SNRPE: variants seen among roughly 807,000 people sequenced by gnomAD.
SNRPE encodes small nuclear ribonucleoprotein polypeptide E, also known as small nuclear ribonucleoprotein E.
For missense variants in SNRPE, 53 were observed against 111.6 expected, an observed-to-expected ratio of 0.48 and a Z score of 2.36; for synonymous variants, 35 against 36.7, an observed-to-expected ratio of 0.95 and a Z score of 0.17.
At position 203,861,907 on chromosome 1, in the gene SNRPE, G is replaced by T. The variant is rs1381565588; in HGVS notation, c.54+194G>T. The T allele has an allele frequency of 4.8e-6, 3 of 628,058 alleles. No individual in the cohort carries two copies. In the Admixed American group the frequency reaches 8.1e-5, roughly 17 times the overall value. The allele number at this position is 628,058 out of a possible 1,614,324, so 38.9% of individuals were successfully genotyped here. ...AGGTGGTCTTGGGGGGACCCCTGCCGTGGGGAATGCAGGAATGGACGCGGC... is the reference window on the plus strand; with the variant it reads ...AGGTGGTCTTGGGGGGACCCCTGCCTTGGGGAATGCAGGAATGGACGCGGC... On this transcript the variant is annotated intron_variant, in intron 1 of 4. Coordinates refer to ENST00000414487, the MANE Select transcript of SNRPE (RefSeq NM_003094.4).
rs386464740 is a variant in SNRPE, at chr1:203,871,082, A to G, written c.*1150A>G. Among the ~76,000 whole-genome samples, 195 of 152,362 alleles carry G rather than the reference A, an allele frequency of 1.3e-3. 1 individual carries two copies. In the Middle Eastern group the frequency reaches 0.017, roughly 13 times the overall value. On this transcript the variant is annotated 3_prime_UTR_variant, in exon 5 of 5. Coordinates refer to ENST00000414487, the MANE Select transcript of SNRPE (RefSeq NM_003094.4). ...CAGCTTTGAACCATGCATTCCATCT[A>G]TATTCCTCCTGTCTGAACTCATGCT...
chr1:203,862,414 C>A (rs149492344), intron 2 of SNRPE, among the ~76,000 whole-genome samples, 192 bp downstream of exon 2: 1 of 152,240 alleles, frequency 6.6e-6, no homozygotes, highest in African/African-American at 2.4e-5. Flanking sequence ...CATGCCACTT[C>A]CCAACATGCA....
chr1:203,862,090 C>G, intron 1 of SNRPE, 106 bp from the exon 2 acceptor site: 2 of 889,588 alleles, frequency 2.2e-6, no homozygotes, highest in Non-Finnish European at 3.8e-6. Flanking sequence ...AGCACCAGAC[C>G]TCGCGTTTAG....
rs4598553 is a variant in SNRPE at position 203,870,909 on chromosome 1, C to A, written c.*977C>A. ...GCCTGCCTTAAGTTCTGCTAAAGGC[C>A]ATGTTGTTATTAAGGACGGGTGAGG... is the stretch of plus-strand genomic sequence containing the variant. On this transcript the variant is annotated 3_prime_UTR_variant, in exon 5 of 5. Transcript: ENST00000414487. Among the ~76,000 whole-genome samples, 115,291 of 152,198 alleles carry A rather than the reference C, an allele frequency of 0.76. 43,775 individuals carry two copies. Among genetic ancestry groups the A allele is most frequent in the East Asian group, 0.8 (4,136 of 5,182 alleles).
chr1:203,862,315 A>G (rs1038708053), intron 2 of SNRPE, 93 bp downstream of exon 2: 27 of 889,368 alleles, frequency 3.0e-5, no homozygotes, highest in Non-Finnish European at 4.7e-5. Context: ...TGTGTTCTAG[A>G]ATTTAAAAAT....
At position 203,870,633 on chromosome 1, in the gene SNRPE, A is replaced by G. The variant is rs1690195830; in HGVS notation, c.*701A>G. ...CAGAATAATGGTATGTTGGAGAAATACACCTGTCTCTTATTCTTATCTCTT... is the reference window on the plus strand; with the variant it reads ...CAGAATAATGGTATGTTGGAGAAATGCACCTGTCTCTTATTCTTATCTCTT... On this transcript the variant is annotated 3_prime_UTR_variant, in exon 5 of 5. Coordinates refer to ENST00000414487, the MANE Select transcript of SNRPE (RefSeq NM_003094.4). 1 of 152,204 alleles carries G rather than the reference A, an allele frequency of 6.6e-6. No homozygotes were observed. Among genetic ancestry groups the G allele is most frequent in the Non-Finnish European group, 1.5e-5 (1 of 68,046 alleles). 9.4% of individuals were successfully genotyped at this position (152,204 alleles called of 1,614,324 possible).
intron 2 of SNRPE, among the ~76,000 whole-genome samples, chr1:203,863,287 A>G (rs905204261): frequency 2.0e-5 from 3 of 151,992 alleles, no homozygotes; most frequent in Non-Finnish European, 4.4e-5. Flanking sequence ...ATCCCAAAGT[A>G]TGGGAACGGT....
Position 203,864,184 on chromosome 1 carries a change from G to C in SNRPE, c.144+459G>C, listed in dbSNP as rs561793629. ...GCCCAGGCTGGTCTCAAACTCCTAG[G>C]CTCAAGTGATTCTCCCACCTCAGCC... On this transcript the variant is annotated intron_variant, in intron 3 of 4. Coordinates refer to ENST00000414487, the MANE Select transcript of SNRPE (RefSeq NM_003094.4). Among the ~76,000 whole-genome samples, 4 of 152,102 alleles carry C rather than the reference G, an allele frequency of 2.6e-5. No homozygotes were observed. In the South Asian group the frequency reaches 8.3e-4, roughly 32 times the overall value.
chr1:203,863,108 A>G (rs1455061178), intron 2 of SNRPE, among the ~76,000 whole-genome samples: 1 of 147,436 alleles, frequency 6.8e-6, no homozygotes, highest in Non-Finnish European at 1.5e-5. Flanking sequence ...CTTTTGACTT[A>G]CATTCATTAC....
At chr1:203,863,145 T>C (rs914125984) in intron 2 of SNRPE, among the ~76,000 whole-genome samples, 1 of 140,828 alleles carries the variant, frequency 7.1e-6, no homozygotes, top group African/African-American at 2.7e-5. Context: ...ATATTTCTCT[T>C]GTCGTTTGAC....
Position 203,870,016 on chromosome 1 carries a change from A to G in SNRPE, c.*84A>G, listed in dbSNP as rs1182054603. 1 of 801,918 alleles carries G rather than the reference A, an allele frequency of 1.2e-6. No homozygotes were observed. Among genetic ancestry groups the G allele is most frequent in the African/African-American group, 1.7e-5 (1 of 57,748 alleles). 49.7% of individuals were successfully genotyped at this position (801,918 alleles called of 1,614,324 possible). On this transcript the variant is annotated 3_prime_UTR_variant, in exon 5 of 5. Coordinates refer to ENST00000414487, the MANE Select transcript of SNRPE (RefSeq NM_003094.4). Reference sequence around the variant, plus strand: ...TTGTCCAATGTGAACATTTATTCATATTGTTTTGATTACCCTCGTGTTACT... The same window carrying G: ...TTGTCCAATGTGAACATTTATTCATGTTGTTTTGATTACCCTCGTGTTACT...
intron 4 of SNRPE, among the ~76,000 whole-genome samples, chr1:203,869,257 G>A (rs2103512105): frequency 7.1e-6 from 1 of 140,342 alleles, no homozygotes; most frequent in East Asian, 2.2e-4. Context: ...GAAATTTTGG[G>A]TAAAACAGGT....
chr1:203,863,746 A>G, intron 3 of SNRPE, 21 bp downstream of exon 3: 1 of 1,506,672 alleles, frequency 6.6e-7, no homozygotes, highest in Non-Finnish European at 9.2e-7. Context: ...AGGCGATTTC[A>G]TCTCATAGCA....
chr1:203,869,945 A>C lies in SNRPE; in HGVS notation c.*13A>C. Reference sequence around the variant, plus strand: ...TGTCTCCAACTAGAAATGATCAATGAAGTGAGAAATTGTTGAGAAGGATAC... The same window carrying C: ...TGTCTCCAACTAGAAATGATCAATGCAGTGAGAAATTGTTGAGAAGGATAC... On this transcript the variant is annotated 3_prime_UTR_variant, in exon 5 of 5. Coordinates refer to ENST00000414487, the MANE Select transcript of SNRPE (RefSeq NM_003094.4). 1 of 1,541,634 alleles carries C rather than the reference A, an allele frequency of 6.5e-7. No individual in the cohort carries two copies. Among genetic ancestry groups the C allele is most frequent in the Admixed American group, 1.7e-5 (1 of 57,800 alleles).
intron 4 of SNRPE, among the ~76,000 whole-genome samples, chr1:203,866,853 G>C (rs1690097736): frequency 6.6e-6 from 1 of 151,730 alleles, no homozygotes; most frequent in Admixed American, 6.6e-5. Flanking sequence ...CTCACTTTCT[G>C]AGCTTTAGCA....
chr1:203,863,299 T>A (rs765852459), intron 2 of SNRPE, among the ~76,000 whole-genome samples: 2 of 151,994 alleles, frequency 1.3e-5, no homozygotes, highest in Non-Finnish European at 2.9e-5. Context: ...GGGAACGGTG[T>A]GAATCGAGGC....
intron 3 of SNRPE, 135 bp from the exon 4 acceptor site, chr1:203,864,906 G>T (rs1368729629): frequency 3.7e-5 from 19 of 519,390 alleles, no homozygotes; most frequent in Non-Finnish European, 4.6e-5. Context: ...AAAAAACTTT[G>T]GGTGGAAGGT....
chr1:203,865,170 C>T, intron 4 of SNRPE, 51 bp downstream of exon 4: 1 of 1,504,180 alleles, frequency 6.6e-7, no homozygotes, highest in Non-Finnish European at 9.1e-7. Flanking sequence ...TATTCACTTG[C>T]AGAATTCAGT....
In SNRPE at chr1:203,867,224, G is replaced by T. The variant is rs1398143382; in HGVS notation, c.223+2105G>T. On this transcript the variant is annotated intron_variant, in intron 4 of 4. Transcript: ENST00000414487. The stretch of plus-strand genomic sequence containing the variant: ...GAACCTGGGAGGCGGAGCTTGCAGT[G>T]AGCTGAGATCACGCCACTGCGCTCC... Among the ~76,000 whole-genome samples, 3 of 151,160 alleles carry T rather than the reference G, an allele frequency of 2.0e-5. No homozygotes were observed. In the East Asian group the frequency reaches 5.9e-4, roughly 30 times the overall value.
Sources: allele counts gnomAD v4.1 joint callset (sites outside exome capture counted in the v4.1 genomes callset), GRCh38; gene constraint gnomAD v4.1.1; transcripts MANE v1.5; gene names NCBI Gene and HGNC (gene_info 2026-07-23, HGNC 2026-07-21).